The following HIF3A variants were observed in gnomAD, a reference collection of about 807,000 sequenced individuals.
HIF3A encodes the protein hypoxia-inducible factor 3-alpha.
HIF3A carries 41 observed loss-of-function variants against 67.2 expected under a neutral mutation model. The observed-to-expected ratio is 0.61, with a 90% CI of 0.48 to 0.79. The LOEUF (loss-of-function observed/expected upper bound fraction) is 0.79, where lower values mean the gene tolerates loss of function less well. Among genes scored for constraint, HIF3A ranks in the 30% least tolerant of loss-of-function variants. The pLI is 0.00. For synonymous variants in HIF3A, 356 were observed against 374.8 expected, an observed-to-expected ratio of 0.95 and a Z score of 0.58; for missense variants, 855 against 898.0, an observed-to-expected ratio of 0.95 and a Z score of 0.61.
intron 1 of HIF3A, among the ~76,000 whole-genome samples, chr19:46,299,819 G>A (rs570437159): frequency 3.1e-4 from 47 of 152,152 alleles, no homozygotes; most frequent in Middle Eastern, 3.4e-3. Context: ...AGCAGACGGT[G>A]GGGGGCGGGA....
In HIF3A at chr19:46,312,170, A is replaced by C. The variant is rs760527371; in HGVS notation, c.780A>C (p.Glu260Asp). 1.5e-5 allele frequency: 24 copies of C among 1,613,908 alleles called. No individual in the cohort carries two copies. The highest frequency in any genetic ancestry group is 2.0e-5 in the Non-Finnish European group (24 of 1,179,986). Residue 260 changes from glutamate (E) to aspartate (D), a missense_variant, in exon 7 of 15, where the codon GAA (glutamate) becomes GAC (aspartate). Coordinates refer to ENST00000377670, the MANE Select transcript of HIF3A (RefSeq NM_152795.4). ...KFTYCDDRIA[E>D]VAGYSPDDLI... Reference sequence around the variant, plus strand: ...TCCGCCCCACCCCCAGGATTGCAGAAGTGGCTGGCTATAGTCCCGATGACC... The same window carrying C: ...TCCGCCCCACCCCCAGGATTGCAGACGTGGCTGGCTATAGTCCCGATGACC...
chr19:46,329,976 AGATAGAG>A (rs1266678011), intron 12 of HIF3A, among the ~76,000 whole-genome samples: 2 of 136,366 alleles, frequency 1.5e-5, no homozygotes, highest in East Asian at 4.7e-4. Context: ...AAAAAAAAAA[AGATAGAG>A]AGAGAGAGAG....
chr19:46,312,712 G>GGTGGGTGT, intron 8 of HIF3A, 59 bp downstream of exon 8: 1 of 1,432,712 alleles, frequency 7.0e-7, no homozygotes, highest in South Asian at 1.5e-5. Flanking sequence ...TGTGTGGACA[G>GGTGGGTGT]GTGTGTGTGT....
intron 11 of HIF3A, among the ~76,000 whole-genome samples, chr19:46,327,667 C>T (rs1173437063): frequency 3.9e-5 from 6 of 152,156 alleles, no homozygotes; most frequent in African/African-American, 7.2e-5. Context: ...TGAGGGTCCC[C>T]AGGGTCACCC....
chr19:46,317,994 C>A (rs1970052310), intron 8 of HIF3A, among the ~76,000 whole-genome samples: 1 of 152,054 alleles, frequency 6.6e-6, no homozygotes, highest in African/African-American at 2.4e-5. Context: ...CGCCACCACA[C>A]CTGGCTAATT....
At chr19:46,334,868 T>C in intron 13 of HIF3A, 37 bp from the exon 14 acceptor site, 1 of 1,533,798 alleles carries the variant, frequency 6.5e-7, no homozygotes, top group Non-Finnish European at 9.0e-7. Flanking sequence ...ATACTAATGA[T>C]GATGATGATG....
intron 13 of HIF3A, among the ~76,000 whole-genome samples, chr19:46,333,553 C>T (rs1159525704): frequency 1.3e-5 from 2 of 152,140 alleles, no homozygotes; most frequent in Admixed American, 6.6e-5. Flanking sequence ...TGCATGCTGT[C>T]ACGGTCTCTG....
chr19:46,297,129 T>A lies in HIF3A; in HGVS notation c.26+27T>A. ...TACTGAAGTTCGGGGGCAGGAGTTC[T>A]GGGAATTGGGGGGCTCTCCTCCTGG... On this transcript the variant is annotated intron_variant, in intron 1 of 14. Coordinates refer to ENST00000377670, the MANE Select transcript of HIF3A (RefSeq NM_152795.4). The surrounding 1 kb of genome is among the most constrained non-coding windows in gnomAD (Gnocchi z 4.5). 1 of 978,704 alleles carries A rather than the reference T, an allele frequency of 1.0e-6. No homozygotes were observed. The highest frequency in any genetic ancestry group is 1.3e-6 in the Non-Finnish European group (1 of 790,252). 60.6% of individuals were successfully genotyped at this position (978,704 alleles called of 1,614,324 possible).
At chr19:46,322,695 C>T (rs1970464521) in intron 10 of HIF3A, among the ~76,000 whole-genome samples, 1 of 152,182 alleles carries the variant, frequency 6.6e-6, no homozygotes, top group South Asian at 2.1e-4. Flanking sequence ...CCGGCCTCGG[C>T]CTCCCAGAGT....
At chr19:46,307,161 A>G (rs1020703627) in intron 3 of HIF3A, among the ~76,000 whole-genome samples, 2 of 152,064 alleles carry the variant, frequency 1.3e-5, no homozygotes, top group African/African-American at 4.8e-5. Flanking sequence ...GCAGCCTCCC[A>G]TCATTGCGTT....
At chr19:46,298,540 T>C (rs1204731457) in intron 1 of HIF3A, 10 of 1,248,588 alleles carry the variant, frequency 8.0e-6, no homozygotes, top group Non-Finnish European at 9.3e-6. Flanking sequence ...ACACCTCCTT[T>C]CCCCCTTCCC....
chr19:46,326,974 A>G (rs914096305), intron 11 of HIF3A, among the ~76,000 whole-genome samples: 11 of 152,128 alleles, frequency 7.2e-5, no homozygotes, highest in African/African-American at 2.7e-4. Flanking sequence ...CAACATGGTG[A>G]AACCCTGTCT....
chr19:46,303,564 T>TCC, intron 1 of HIF3A: 1 of 1,494,716 alleles, frequency 6.7e-7, no homozygotes, highest in Non-Finnish European at 9.0e-7. Flanking sequence ...GCCCTCCCTG[T>TCC]CCCCCAGGCG....
Position 46,308,294 on chromosome 19 carries a change from C to G in HIF3A, c.437C>G (p.Thr146Ser), listed in dbSNP as rs761616607. 3 of 1,608,764 alleles carry G rather than the reference C, an allele frequency of 1.9e-6. No individual in the cohort carries two copies. Among genetic ancestry groups the G allele is most frequent in the Non-Finnish European group, 2.6e-6 (3 of 1,176,190 alleles). ...CAAGAGGAGCTTCAGGACGCCCTGA[C>G]CCCCCAGCAGAGTGAGTTCCCTGGA... The part of the protein sequence containing the change: ...CDQEELQDAL[T>S]PQQTLSRRKV... Residue 146 changes from threonine (T) to serine (S), a missense_variant, in exon 4 of 15, where the codon ACC becomes AGC. By Grantham distance (58) the Thr-to-Ser change is moderately conservative. Coordinates refer to ENST00000377670, the MANE Select transcript of HIF3A (RefSeq NM_152795.4).
chr19:46,320,179 G>A (rs377272489), intron 8 of HIF3A: 9 of 312,056 alleles, frequency 2.9e-5, no homozygotes, highest in Non-Finnish European at 4.1e-5. Context: ...GCAGTGAGCC[G>A]AGATCGCGCC....
intron 1 of HIF3A, 57 bp from the exon 2 acceptor site, chr19:46,303,841 C>T (rs1159086528): frequency 6.4e-7 from 1 of 1,564,174 alleles, no homozygotes; most frequent in Admixed American, 1.9e-5. Flanking sequence ...CGTGCTCGTC[C>T]CGTCCTCCTT....
rs1971871961 is a variant in HIF3A, at chr19:46,339,858, C to T, written c.*236C>T. ...TCTGGGAGGTGGTCCCTGGCCCCCT[C>T]CTCCTTCTCTCAGGATTTCTCTTGG... On this transcript the variant is annotated 3_prime_UTR_variant, in exon 15 of 15. Transcript: ENST00000377670. 5.0e-6 allele frequency: 2 copies of T among 398,228 alleles called. No individual in the cohort carries two copies. The highest frequency in any genetic ancestry group is 8.9e-6 in the Non-Finnish European group (2 of 225,706). The allele number at this position is 398,228 out of a possible 1,614,324, so 24.7% of individuals were successfully genotyped here. A position where few individuals can be genotyped will look rare whatever the true frequency, so the allele number is the denominator to read the frequency against.
chr19:46,320,640 C>A (rs979592161), intron 9 of HIF3A, 79 bp downstream of exon 9: 4 of 1,063,696 alleles, frequency 3.8e-6, no homozygotes, highest in Non-Finnish European at 5.7e-6. Context: ...TAACATGGCT[C>A]ACCAGGCCCT....
intron 3 of HIF3A, among the ~76,000 whole-genome samples, chr19:46,306,852 T>C (rs1968895759): frequency 6.6e-6 from 1 of 152,212 alleles, no homozygotes; most frequent in Admixed American, 6.5e-5. Flanking sequence ...GATCTCCCTC[T>C]TTCCCTATTC....
Sources: gnomAD v4.1 joint callset for allele counts (sites outside exome capture counted in the v4.1 genomes callset) on GRCh38, gnomAD v4.1.1 for gene constraint, Gnocchi (gnomAD v3.1) non-coding constraint, MANE v1.5 for transcripts, NCBI Gene and HGNC (gene_info 2026-07-23, HGNC 2026-07-21) for gene names.